Variants in PIR observed in about 807,000 individuals in gnomAD.
The protein encoded by PIR is pirin.
PIR carries 22 observed loss-of-function variants against 24.2 expected under a neutral mutation model. The ratio of observed to expected loss-of-function variants is 0.91; its 90% CI spans 0.65 to 1.30. The LOEUF (loss-of-function observed/expected upper bound fraction) is 1.30. PIR is among the 50% of genes most tolerant of loss of function. PIR has a pLI of 0.00. For synonymous variants in PIR, 80 were observed against 79.6 expected (o/e 1.00, Z -0.03); for missense variants, 220 against 220.3 (o/e 1.00, Z 0.01).
chrX:15,448,853 A>G (rs899086751), intron 5 of PIR, among the ~76,000 whole-genome samples: 1 of 111,831 alleles, frequency 8.9e-6, no homozygotes, highest in Non-Finnish European at 1.9e-5. Context: ...AGATTTTCAC[A>G]TACTGCTGTT....
chrX:15,463,321 A>G (rs1921394237), intron 3 of PIR, among the ~76,000 whole-genome samples: 1 of 112,080 alleles, frequency 8.9e-6, no homozygotes, highest in African/African-American at 3.2e-5. Context: ...AGGCTGGGAG[A>G]ACAAGTTATT....
chrX:15,465,432 TGA>T (rs1256906558), intron 3 of PIR, among the ~76,000 whole-genome samples: 2 of 112,222 alleles, frequency 1.8e-5, no homozygotes, highest in African/African-American at 3.2e-5. Flanking sequence ...GCAGTACTTC[TGA>T]GAGTTGACAC....
At chrX:15,396,793 T>C (rs1018641822) in intron 8 of PIR, among the ~76,000 whole-genome samples, 1 of 108,089 alleles carries the variant, frequency 9.3e-6, no homozygotes, top group South Asian at 4.1e-4. Flanking sequence ...CCAGCTGGAG[T>C]GCAGTGGCGC....
intron 8 of PIR, among the ~76,000 whole-genome samples, chrX:15,396,465 T>A (rs954451996): frequency 8.9e-6 from 1 of 111,861 alleles, no homozygotes; most frequent in Non-Finnish European, 1.9e-5. Context: ...CTAAAATAGT[T>A]TTCAAAGTTT....
chrX:15,402,907 A>G (rs1422257347), intron 7 of PIR, among the ~76,000 whole-genome samples: 1 of 112,197 alleles, frequency 8.9e-6, no homozygotes, highest in African/African-American at 3.2e-5. Context: ...ACAACTGTTT[A>G]ATTAAATTAC....
At chrX:15,476,873 C>T (rs5978729) in intron 3 of PIR, among the ~76,000 whole-genome samples, 47,367 of 110,456 alleles carry the variant, frequency 0.43, 7,355 homozygotes, top group East Asian at 0.46. Flanking sequence ...GAACACATCA[C>T]TGTGGTGATA....
chrX:15,492,773 C>G (rs1303013391), intron 1 of PIR, among the ~76,000 whole-genome samples: 1 of 112,029 alleles, frequency 8.9e-6, no homozygotes, highest in Admixed American at 9.4e-5. Flanking sequence ...ATACCCTCCA[C>G]TTAGTCAAGG....
chrX:15,464,227 T>C (rs1156542456), intron 3 of PIR: 3 of 116,297 alleles, frequency 2.6e-5, no homozygotes, highest in Non-Finnish European at 5.3e-5. Context: ...GTTGTGTTAG[T>C]ATGCATGGAG....
At chrX:15,433,548 G>A (rs201325183) in intron 5 of PIR, among the ~76,000 whole-genome samples, 21,115 of 60,276 alleles carry the variant, frequency 0.35, 3,901 homozygotes, top group East Asian at 0.38. Flanking sequence ...AAGAAAGAGA[G>A]AGAAAGAAAG....
chrX:15,404,227 C>T (rs1373369477), intron 7 of PIR, among the ~76,000 whole-genome samples: 1 of 111,419 alleles, frequency 9.0e-6, no homozygotes, highest in Non-Finnish European at 1.9e-5. Flanking sequence ...TCTCAAACTC[C>T]CAGCCTCAAG....
At chrX:15,421,016 G>A (rs1252417748) in intron 6 of PIR, among the ~76,000 whole-genome samples, 1 of 111,898 alleles carries the variant, frequency 8.9e-6, no homozygotes, top group Non-Finnish European at 1.9e-5. Context: ...ATAAAAATAA[G>A]TGTGGAGAAA....
At chrX:15,472,292 A>C (rs1569209921) in intron 3 of PIR, among the ~76,000 whole-genome samples, 1 of 112,297 alleles carries the variant, frequency 8.9e-6, no homozygotes, top group Non-Finnish European at 1.9e-5. Context: ...TCTTGTCCAC[A>C]ACTTTCCCTT....
intron 6 of PIR, among the ~76,000 whole-genome samples, chrX:15,424,488 A>T (rs1925239960): frequency 8.9e-6 from 1 of 112,125 alleles, no homozygotes; most frequent in African/African-American, 3.2e-5. Flanking sequence ...TGTTTGATAG[A>T]TCAGTAGGAC....
chrX:15,466,904 C>T (rs1022769941), intron 3 of PIR, among the ~76,000 whole-genome samples: 3 of 112,398 alleles, frequency 2.7e-5, no homozygotes, highest in African/African-American at 9.7e-5. Context: ...ATCCTCCAAC[C>T]ATGGTTTGTT....
intron 2 of PIR, among the ~76,000 whole-genome samples, chrX:15,482,672 T>G (rs1922571939): frequency 8.9e-6 from 1 of 112,151 alleles, no homozygotes; most frequent in African/African-American, 3.2e-5. Flanking sequence ...TTTTCTATGA[T>G]TCTTGCAAAC....
chrX:15,435,617 A>G (rs184212827), intron 5 of PIR, among the ~76,000 whole-genome samples: 15 of 111,515 alleles, frequency 1.3e-4, no homozygotes, highest in African/African-American at 4.9e-4. Flanking sequence ...CAATGTCCTC[A>G]TCTTCCTTCT....
At chrX:15,480,175 C>CCTT (rs1922427111) in intron 2 of PIR, among the ~76,000 whole-genome samples, 2 of 104,617 alleles carry the variant, frequency 1.9e-5, no homozygotes, top group Non-Finnish European at 3.9e-5. Context: ...GGCACAAACT[C>CCTT]TTTTTTTTTG....
At chrX:15,423,634 G>A (rs1357491327) in intron 6 of PIR, among the ~76,000 whole-genome samples, 1 of 110,092 alleles carries the variant, frequency 9.1e-6, no homozygotes, top group Non-Finnish European at 1.9e-5. Flanking sequence ...AAATAGTGAA[G>A]AGACAACCCA....
intron 3 of PIR, among the ~76,000 whole-genome samples, chrX:15,466,006 G>GTTTTTTTT (rs200803758): frequency 3.5e-3 from 222 of 63,093 alleles, no homozygotes; most frequent in Non-Finnish European, 4.4e-3. Flanking sequence ...AATGGTGGCT[G>GTTTTTTTT]TTTTTTTTTT....
Sources: gnomAD v4.1 joint callset for allele counts (sites outside exome capture counted in the v4.1 genomes callset) on GRCh38, gnomAD v4.1.1 for gene constraint, MANE v1.5 for transcripts, NCBI Gene and HGNC (gene_info 2026-07-23, HGNC 2026-07-21) for gene names.